ITPK1: variants seen among roughly 807,000 people sequenced by gnomAD.
ITPK1 encodes the protein inositol-tetrakisphosphate 1-kinase, also known as inositol 1,3,4-trisphosphate 5/6-kinase.
Under a neutral mutation model 45.3 loss-of-function variants are expected in ITPK1, and 21 were observed. That is an observed-to-expected ratio of 0.46 (90% CI 0.33 to 0.67). The LOEUF is 0.67. ITPK1 is among the 30% of genes least tolerant of loss of function. The pLI is 0.02. For synonymous variants in ITPK1, 258 were observed against 253.6 expected (o/e 1.02, Z -0.16); for missense variants, 474 against 573.5 (o/e 0.83, Z 1.77).
At position 93,016,662 on chromosome 14, in the gene ITPK1, T is replaced by C. The variant is rs767503574; in HGVS notation, c.246+14A>G. On this transcript the variant is annotated intron_variant, in intron 4 of 10. Coordinates refer to ENST00000267615, the MANE Select transcript of ITPK1 (RefSeq NM_014216.6). This position sits in a 1 kb window ranked among gnomAD's most constrained non-coding sequence, Gnocchi z 5.0. ...GAAAATGCCACAGCCAAGGGCTGCATGGTCCTCACTCACCTGGAACCTGTG... is the reference window on the plus strand; with the variant it reads ...GAAAATGCCACAGCCAAGGGCTGCACGGTCCTCACTCACCTGGAACCTGTG... The C allele has an allele frequency of 1.9e-6, 3 of 1,613,586 alleles. No individual in the cohort carries two copies. Among genetic ancestry groups the C allele is most frequent in the East Asian group, 2.2e-5 (1 of 44,876 alleles).
rs1335796155 is a variant in ITPK1 at position 93,036,814 on chromosome 14, AGAGATGCT to A, written c.121-20021_121-20014del. ...CCCAGAGCAGAGCAGAGAAGGGCTG[AGAGATGCT>A]GACAGCTGCCAAAAAGGGACCTACC... On this transcript the variant is annotated intron_variant, in intron 3 of 10. Coordinates refer to ENST00000267615, the MANE Select transcript of ITPK1 (RefSeq NM_014216.6). This position sits in a 1 kb window ranked among gnomAD's most constrained non-coding sequence, Gnocchi z 4.1. The A allele has an allele frequency of 6.6e-6, 1 of 152,346 alleles. No homozygotes were observed. The highest frequency in any genetic ancestry group is 2.4e-5 in the African/African-American group (1 of 41,442). The allele number at this position is 152,346 out of a possible 1,614,324, so 9.4% of individuals were successfully genotyped here.
Position 93,027,312 on chromosome 14 carries a change from G to A in ITPK1, c.121-10511C>T, listed in dbSNP as rs140017212. 1.6e-3 allele frequency among the ~76,000 whole-genome samples: 246 copies of A among 152,306 alleles called. 3 individuals carry two copies. In the Middle Eastern group the frequency reaches 0.02, roughly 13 times the overall value. On this transcript the variant is annotated intron_variant, in intron 3 of 10. Coordinates refer to ENST00000267615, the MANE Select transcript of ITPK1 (RefSeq NM_014216.6). Reference sequence around the variant, plus strand: ...TGAGCAGTCTCTAGGAAGAGCACACGTTTGGAGTCTGAGAGTCAGACAGGC... The same window carrying A: ...TGAGCAGTCTCTAGGAAGAGCACACATTTGGAGTCTGAGAGTCAGACAGGC...
At chr14:92,942,431 G>A (rs1032502600) in intron 10 of ITPK1, among the ~76,000 whole-genome samples, 3 of 152,180 alleles carry the variant, frequency 2.0e-5, no homozygotes, top group African/African-American at 4.8e-5. Context: ...CCGCCCAGGT[G>A]GAGGCTGCTG....
At chr14:92,964,079 AG>A (rs1885223445) in intron 5 of ITPK1, among the ~76,000 whole-genome samples, 1 of 152,254 alleles carries the variant, frequency 6.6e-6, no homozygotes, top group Non-Finnish European at 1.5e-5. Context: ...AGAATTACAC[AG>A]GGCATATAAA....
chr14:93,048,546 G>A (rs1481037491), intron 3 of ITPK1, among the ~76,000 whole-genome samples: 2 of 152,114 alleles, frequency 1.3e-5, no homozygotes, highest in African/African-American at 2.4e-5. Context: ...CGTGCCTGTC[G>A]CCTCACGCTC....
chr14:93,021,767 G>A (rs1443592133), intron 3 of ITPK1, among the ~76,000 whole-genome samples: 1 of 152,080 alleles, frequency 6.6e-6, no homozygotes, highest in Non-Finnish European at 1.5e-5. Context: ...GAGGTCAAGA[G>A]CTAAAGGTCA....
chr14:92,960,547 C>T (rs762393591), intron 7 of ITPK1, among the ~76,000 whole-genome samples: 54 of 152,244 alleles, frequency 3.5e-4, no homozygotes, highest in Non-Finnish European at 7.2e-4. Flanking sequence ...CAGAATCAGT[C>T]CCAGGTCTCT....
intron 3 of ITPK1, among the ~76,000 whole-genome samples, chr14:93,024,132 C>T (rs541187849): frequency 1.3e-5 from 2 of 151,048 alleles, no homozygotes; most frequent in East Asian, 1.9e-4. Context: ...AAAGCCTGAC[C>T]GCCCTGTGTG....
chr14:93,064,760 A>G (rs1276366552), intron 3 of ITPK1, among the ~76,000 whole-genome samples: 1 of 152,266 alleles, frequency 6.6e-6, no homozygotes, highest in Non-Finnish European at 1.5e-5. Flanking sequence ...CAGGTCCCTG[A>G]AAGGGCTGTC....
intron 10 of ITPK1, 150 bp from the exon 11 acceptor site, chr14:92,942,054 C>T: frequency 1.4e-6 from 1 of 708,266 alleles, no homozygotes; most frequent in Non-Finnish European, 2.3e-6. Flanking sequence ...TGAGGCTCAG[C>T]AGATAAGGGG....
rs555966138 is a variant in ITPK1 at position 92,962,253 on chromosome 14, G to A, written c.504+102C>T. 74 of 868,678 alleles carry A rather than the reference G, an allele frequency of 8.5e-5. 1 individual carries two copies. In the Admixed American group the frequency reaches 1.1e-3, roughly 13 times the overall value. The allele number at this position is 868,678 out of a possible 1,614,324, so 53.8% of individuals were successfully genotyped here. A position where few individuals can be genotyped will look rare whatever the true frequency, so the allele number is the denominator to read the frequency against. On this transcript the variant is annotated intron_variant, in intron 7 of 10. Coordinates refer to ENST00000267615, the MANE Select transcript of ITPK1 (RefSeq NM_014216.6). ...ACCAAGGAGCCAGGACTAACAGCAG[G>A]GCAGGAGCAGTGGCAGTGAGGAATC... is the stretch of plus-strand genomic sequence containing the variant.
rs904025420 is a variant in ITPK1 at position 92,937,211 on chromosome 14, G to C, written c.*4350C>G. 2.6e-5 allele frequency: 4 copies of C among 152,272 alleles called. No individual in the cohort carries two copies. The highest frequency in any genetic ancestry group is 5.9e-5 in the Non-Finnish European group (4 of 68,052). 9.4% of individuals were successfully genotyped at this position (152,272 alleles called of 1,614,324 possible). Reference sequence around the variant, plus strand: ...ACATGGTCATGTATATTATGCATATGTATGTACACAAATTAAGTACGAACC... The same window carrying C: ...ACATGGTCATGTATATTATGCATATCTATGTACACAAATTAAGTACGAACC... On this transcript the variant is annotated 3_prime_UTR_variant, in exon 11 of 11. Coordinates refer to ENST00000267615, the MANE Select transcript of ITPK1 (RefSeq NM_014216.6).
chr14:93,115,425 G>A (rs573104518), intron 1 of ITPK1, 120 bp from the exon 2 acceptor site: 12 of 149,108 alleles, frequency 8.0e-5, no homozygotes, highest in African/African-American at 2.2e-4. Flanking sequence ...CGCCGCCTGC[G>A]GGCTCGCCCG....
chr14:93,097,747 G>A (rs1426501199), intron 2 of ITPK1, among the ~76,000 whole-genome samples: 1 of 152,248 alleles, frequency 6.6e-6, no homozygotes, highest in Admixed American at 6.5e-5. Context: ...AGTGATTCAT[G>A]CCTGTAATCC....
intron 3 of ITPK1, among the ~76,000 whole-genome samples, chr14:93,027,044 T>C (rs1265113586): frequency 6.6e-6 from 1 of 152,198 alleles, no homozygotes; most frequent in Non-Finnish European, 1.5e-5. Flanking sequence ...TTTCATTATA[T>C]ATTTCATTTA....
chr14:93,042,322 A>G (rs1170374758), intron 3 of ITPK1, among the ~76,000 whole-genome samples: 1 of 152,184 alleles, frequency 6.6e-6, no homozygotes, highest in Non-Finnish European at 1.5e-5. Flanking sequence ...GCTAAGAACA[A>G]AAACAGTCCC....
intron 4 of ITPK1, among the ~76,000 whole-genome samples, chr14:93,008,990 C>A (rs1240703896): frequency 6.6e-6 from 1 of 152,114 alleles, no homozygotes; most frequent in Non-Finnish European, 1.5e-5. Flanking sequence ...CTGGACCCAT[C>A]TCTTACAAAA....
intron 6 of ITPK1, among the ~76,000 whole-genome samples, 162 bp from the exon 7 acceptor site, chr14:92,962,557 C>A (rs1265297532): frequency 6.6e-6 from 1 of 152,188 alleles, no homozygotes; most frequent in East Asian, 1.9e-4. Context: ...CCAGGCCAGG[C>A]AGGAGAGCAC....
At position 93,115,156 on chromosome 14, in the gene ITPK1, G is replaced by A. The variant is rs1186655817; in HGVS notation, c.8C>T (p.Thr3Ile). ...GCCAACTCTCTTCCCTTTCAGAAAG[G>A]TCTGCATCTTCCTCCTCGGGCGGGG... The part of the protein sequence containing the change: MQ[T>I]FLKGKRVGYW... The change falls in exon 2 of 11, where the codon ACC becomes ATC. Residue 3 changes from threonine (T) to isoleucine (I), a missense_variant. Thr to Ile is a moderately conservative substitution (Grantham distance 89). Around this residue, in one of 2 missense-constraint regions of ITPK1, gnomAD observed 367 missense variants for 480.6 expected, o/e 0.76. Transcript: ENST00000267615. 12 of 1,603,746 alleles carry A rather than the reference G, an allele frequency of 7.5e-6. No individual in the cohort carries two copies. The highest frequency in any genetic ancestry group is 9.4e-6 in the Non-Finnish European group (11 of 1,175,170).
Sources: gnomAD v4.1 joint callset for allele counts (sites outside exome capture counted in the v4.1 genomes callset) on GRCh38, gnomAD v4.1.1 for gene constraint, gnomAD v4.1.1 regional missense constraint, Gnocchi (gnomAD v3.1) non-coding constraint, MANE v1.5 for transcripts, NCBI Gene and HGNC (gene_info 2026-07-23, HGNC 2026-07-21) for gene names.